The following DTD1 variants were observed in gnomAD, a reference collection of about 807,000 sequenced individuals.
DTD1 encodes the protein D-aminoacyl-tRNA deacylase 1.
In DTD1, 13 loss-of-function variants were observed where a neutral mutation model predicts 25.6. The observed-to-expected ratio is 0.51, with a 90% CI of 0.33 to 0.81. The LOEUF is 0.81. Ranked by LOEUF, DTD1 falls within the 30% of genes least tolerant of loss-of-function variation. The probability of loss-of-function intolerance (pLI) is 0.02; values close to 1 mark genes in which losing one functional copy is unlikely to be tolerated. For synonymous variants in DTD1, 110 were observed against 103.6 expected (o/e 1.06, Z -0.37); for missense variants, 193 against 266.4 (o/e 0.72, Z 1.92).
intron 2 of DTD1, among the ~76,000 whole-genome samples, 194 bp from the exon 3 acceptor site, chr20:18,595,812 T>C (rs1478714203): frequency 6.6e-6 from 1 of 152,176 alleles, no homozygotes; most frequent in Non-Finnish European, 1.5e-5. Flanking sequence ...AGAACTGTTA[T>C]TATTCTGTAT....
At chr20:18,694,990 A>G (rs2061064927) in intron 4 of DTD1, among the ~76,000 whole-genome samples, 1 of 152,120 alleles carries the variant, frequency 6.6e-6, no homozygotes, top group African/African-American at 2.4e-5. Flanking sequence ...CGTATAGTAT[A>G]TGTGCCAATA....
chr20:18,689,937 G>GGCTACAGTGAGCTCAGATTGTGCC (rs1555800756), intron 4 of DTD1, among the ~76,000 whole-genome samples: 26 of 150,638 alleles, frequency 1.7e-4, no homozygotes, highest in Middle Eastern at 3.4e-3. Flanking sequence ...AAGAGTTAAA[G>GGCTACAGTGAGCTCAGATTGTGCC]ACCAGCCTGG....
chr20:18,706,610 G>A (rs141163381), intron 4 of DTD1, among the ~76,000 whole-genome samples: 179 of 152,270 alleles, frequency 1.2e-3, no homozygotes, highest in Non-Finnish European at 1.9e-3. Flanking sequence ...AACAAGAGTC[G>A]TTGCTTTGAC....
chr20:18,588,128 G>T lies in DTD1; in HGVS notation c.43+13G>T, dbSNP rs761959196. Reference sequence around the variant, plus strand: ...GCCAGCGTCACAGGTCAGTCGGGCGGGGCCGGGCCCGGGAGGAGCCGCCCC... The same window carrying T: ...GCCAGCGTCACAGGTCAGTCGGGCGTGGCCGGGCCCGGGAGGAGCCGCCCC... On this transcript the variant is annotated intron_variant, in intron 1 of 5. Transcript: ENST00000377452. 7.2e-4 allele frequency: 910 copies of T among 1,272,032 alleles called. No homozygotes were observed. The highest frequency in any genetic ancestry group is 8.4e-4 in the Non-Finnish European group (847 of 1,010,352). The allele number at this position is 1,272,032 out of a possible 1,614,324, so 78.8% of individuals were successfully genotyped here.
At chr20:18,707,741 A>G (rs1484339960) in intron 4 of DTD1, among the ~76,000 whole-genome samples, 1 of 152,050 alleles carries the variant, frequency 6.6e-6, no homozygotes, top group Non-Finnish European at 1.5e-5. Flanking sequence ...CTTACAGTAC[A>G]TGGTAACACA....
intron 4 of DTD1, among the ~76,000 whole-genome samples, chr20:18,650,628 G>T (rs1341992067): frequency 2.6e-5 from 4 of 152,202 alleles, no homozygotes; most frequent in African/African-American, 9.6e-5. Context: ...TACATTTATT[G>T]TCTCTTTTCC....
intron 4 of DTD1, among the ~76,000 whole-genome samples, chr20:18,648,889 G>T (rs1348518786): frequency 6.6e-6 from 1 of 150,516 alleles, no homozygotes; most frequent in East Asian, 2.0e-4. Context: ...CCAGCTACTC[G>T]GGAGGCTGAG....
intron 3 of DTD1, among the ~76,000 whole-genome samples, chr20:18,627,819 C>T (rs34229177): frequency 0.029 from 4,388 of 152,152 alleles, 100 homozygotes; most frequent in South Asian, 0.054. Context: ...GTGCTGTTCT[C>T]GTGATAGTGA....
At chr20:18,591,063 C>T (rs942963441) in intron 1 of DTD1, among the ~76,000 whole-genome samples, 9 of 152,130 alleles carry the variant, frequency 5.9e-5, no homozygotes, top group African/African-American at 2.2e-4. Context: ...TCAGTCTTTT[C>T]CAGCCCTTTG....
intron 4 of DTD1, among the ~76,000 whole-genome samples, chr20:18,639,284 CA>C (rs1407759396): frequency 1.3e-5 from 2 of 150,578 alleles, no homozygotes; most frequent in Non-Finnish European, 3.0e-5. Context: ...CCCCCAAATA[CA>C]AAAACATTAA....
intron 4 of DTD1, among the ~76,000 whole-genome samples, chr20:18,731,794 G>A (rs1312843109): frequency 6.6e-6 from 1 of 152,204 alleles, no homozygotes. Context: ...CCACAAAGCT[G>A]TGTTATATCC....
At chr20:18,661,606 C>A (rs1014366159) in intron 4 of DTD1, among the ~76,000 whole-genome samples, 1 of 152,088 alleles carries the variant, frequency 6.6e-6, no homozygotes, top group Non-Finnish European at 1.5e-5. Context: ...CTCCTGACCT[C>A]GTGATCTGCC....
rs555169468 is a variant in DTD1, at chr20:18,660,572, A to C, written c.477+32339A>C. 3.3e-4 allele frequency among the ~76,000 whole-genome samples: 50 copies of C among 151,772 alleles called. 1 individual carries two copies. Among genetic ancestry groups the C allele is most frequent in the African/African-American group, 1.2e-3 (50 of 41,072 alleles). On this transcript the variant is annotated intron_variant, in intron 4 of 5. Coordinates refer to ENST00000377452, the MANE Select transcript of DTD1 (RefSeq NM_080820.6). Reference sequence around the variant, plus strand: ...GCAGAAACTGAAAGAAAAAGGAAGAAAGAAAACAAAAAGGCTTTTTATTAC... The same window carrying C: ...GCAGAAACTGAAAGAAAAAGGAAGACAGAAAACAAAAAGGCTTTTTATTAC...
chr20:18,588,717 C>G, intron 1 of DTD1: 1 of 985,344 alleles, frequency 1.0e-6, no homozygotes, highest in South Asian at 4.7e-5. Flanking sequence ...CCGCTGAACT[C>G]TGCGCGGAGG....
rs1189119318 is a variant in DTD1, at chr20:18,607,720, C to CT, written c.370+11490dup. Among the ~76,000 whole-genome samples, 63 of 145,718 alleles carry CT rather than the reference C, an allele frequency of 4.3e-4. No homozygotes were observed. The Middle Eastern group carries it at 0.01, about 24-fold the overall frequency. On this transcript the variant is annotated intron_variant, in intron 3 of 5. Coordinates refer to ENST00000377452, the MANE Select transcript of DTD1 (RefSeq NM_080820.6). ...ATTGTCTTTTTCTTCTTCTTTCTTTCTTTTTTTTTTTGAGATAGAGTCTCG... is the reference window on the plus strand; with the variant it reads ...ATTGTCTTTTTCTTCTTCTTTCTTTCTTTTTTTTTTTTGAGATAGAGTCTCG...
At position 18,734,789 on chromosome 20, in the gene DTD1, G is replaced by A. The variant is rs566218089; in HGVS notation, c.478-9311G>A. 1.6e-4 allele frequency among the ~76,000 whole-genome samples: 24 copies of A among 152,342 alleles called. No individual in the cohort carries two copies. In the South Asian group the frequency reaches 3.5e-3, roughly 22 times the overall value. ...AAAATCAGAGCATTTGTTACTGGTGGTAGTTGATGGACACTCAGAAAGGAC... is the reference window on the plus strand; with the variant it reads ...AAAATCAGAGCATTTGTTACTGGTGATAGTTGATGGACACTCAGAAAGGAC... On this transcript the variant is annotated intron_variant, in intron 4 of 5. Transcript: ENST00000377452.
chr20:18,686,796 C>T (rs1260736717), intron 4 of DTD1, among the ~76,000 whole-genome samples: 4 of 151,988 alleles, frequency 2.6e-5, no homozygotes, highest in Non-Finnish European at 2.9e-5. Flanking sequence ...CCACCGTGTT[C>T]TTCCTTGTAG....
At chr20:18,753,242 A>T (rs935225701) in intron 5 of DTD1, among the ~76,000 whole-genome samples, 1 of 152,336 alleles carries the variant, frequency 6.6e-6, no homozygotes, top group Non-Finnish European at 1.5e-5. Context: ...AGAAAATTCA[A>T]CTAAACAGCA....
rs1156912939 is a variant in DTD1 at position 18,764,555 on chromosome 20, A to G, written c.*1215A>G. The G allele has an allele frequency of 6.6e-6, 1 of 152,196 alleles. No homozygotes were observed. Among genetic ancestry groups the G allele is most frequent in the African/African-American group, 2.4e-5 (1 of 41,448 alleles). The allele number at this position is 152,196 out of a possible 1,614,324, so 9.4% of individuals were successfully genotyped here. ...GACCTCTATAATAACTTCTGAATCC[A>G]TCTAGTCTGACCCAGTCATCTACTT... On this transcript the variant is annotated 3_prime_UTR_variant, in exon 6 of 6. Transcript: ENST00000377452.
Sources: gnomAD v4.1 joint callset for allele counts (sites outside exome capture counted in the v4.1 genomes callset) on GRCh38, gnomAD v4.1.1 for gene constraint, MANE v1.5 for transcripts, NCBI Gene and HGNC (gene_info 2026-07-23, HGNC 2026-07-21) for gene names.